The following MGA variants were observed in gnomAD, a reference collection of about 807,000 sequenced individuals.
The protein encoded by MGA is MAX dimerization protein MGA.
In MGA, 40 loss-of-function variants were observed where a neutral mutation model predicts 261.1. That is an observed-to-expected ratio of 0.15 (90% CI 0.12 to 0.20). MGA has a LOEUF of 0.20. MGA is among the 10% of genes least tolerant of loss of function. MGA has a pLI of 1.00. For synonymous variants in MGA, 1,302 were observed against 1,290.6 expected (o/e 1.01, Z -0.19); for missense variants, 3,397 against 3,630.5 (o/e 0.94, Z 1.65).
At chr15:41,688,194 G>C (rs1454766543) in intron 2 of MGA, among the ~76,000 whole-genome samples, 1 of 152,142 alleles carries the variant, frequency 6.6e-6, no homozygotes, top group African/African-American at 2.4e-5. Flanking sequence ...TCCTGCCTCA[G>C]CTTCCCAAGT....
chr15:41,754,422 AATG>A lies in MGA; in HGVS notation c.7009-11_7009-9del. On this transcript the variant is annotated splice_polypyrimidine_tract_variant and intron_variant, in intron 17 of 23. Coordinates refer to ENST00000219905, the MANE Select transcript of MGA (RefSeq NM_001164273.2). ...CACTCAATACATTATTTACTTTTAT[AATG>A]ATGTATTTCAGAATAACTGTGTAGA... is the stretch of plus-strand genomic sequence containing the variant. 1 of 1,524,010 alleles carries A rather than the reference AATG, an allele frequency of 6.6e-7. No homozygotes were observed. Among genetic ancestry groups the A allele is most frequent in the Non-Finnish European group, 8.8e-7 (1 of 1,135,690 alleles). 94.4% of individuals were successfully genotyped at this position (1,524,010 alleles called of 1,614,324 possible).
chr15:41,685,986 CAGAGTG>C (rs1259044136), intron 2 of MGA, among the ~76,000 whole-genome samples: 2 of 140,908 alleles, frequency 1.4e-5, no homozygotes, highest in Non-Finnish European at 3.0e-5. Context: ...GCCTGGGTGA[CAGAGTG>C]AGACTCTGTC....
Position 41,750,202 on chromosome 15 carries a change from G to T in MGA, c.6595G>T (p.Glu2199Ter). ...ACAGGAATGTAAGAAAGAGGCAGAC[G>T]AGCAGTTAATTAAAGAAACAAAGAC... The change falls in exon 17 of 24, where the codon GAG (glutamate) becomes TAG (stop). Residue 2199 changes from glutamate to a stop codon, truncating the protein, a stop_gained. Transcript: ENST00000219905. LOFTEE classifies it high-confidence loss of function. 1.2e-6 allele frequency: 2 copies of T among 1,613,850 alleles called. No homozygotes were observed. The highest frequency in any genetic ancestry group is 2.2e-5 in the South Asian group (2 of 91,062).
intron 15 of MGA, among the ~76,000 whole-genome samples, chr15:41,746,775 CTTTGT>C (rs1182313565): frequency 2.0e-5 from 3 of 151,456 alleles, no homozygotes; most frequent in Admixed American, 2.0e-4. Context: ...AAGCTAAAGT[CTTTGT>C]TTTGTTTCAT....
chr15:41,633,131 A>G (rs1285057564), intron 1 of MGA, among the ~76,000 whole-genome samples: 1 of 151,786 alleles, frequency 6.6e-6, no homozygotes, highest in East Asian at 1.9e-4. Context: ...TTGTATTTTT[A>G]GTAGAGACGG....
At position 41,765,872 on chromosome 15, in the gene MGA, C is replaced by G. The variant is rs1475233717; in HGVS notation, c.7922-132C>G. 3 of 694,340 alleles carry G rather than the reference C, an allele frequency of 4.3e-6. No homozygotes were observed. In the East Asian group the frequency reaches 8.5e-5, roughly 20 times the overall value. The allele number at this position is 694,340 out of a possible 1,614,324, so 43.0% of individuals were successfully genotyped here. A position where few individuals can be genotyped will look rare whatever the true frequency, so the allele number is the denominator to read the frequency against. ...TTTGAAGAACTGATATTTCTTTCAT[C>G]TTTTTGATAAAAGTAGAGTGCTGAA... is the stretch of plus-strand genomic sequence containing the variant. On this transcript the variant is annotated intron_variant, in intron 23 of 23. Transcript: ENST00000219905.
intron 2 of MGA, among the ~76,000 whole-genome samples, chr15:41,672,794 A>G (rs1438705951): frequency 2.0e-5 from 3 of 152,138 alleles, no homozygotes; most frequent in Admixed American, 6.6e-5. Flanking sequence ...AATATTTACT[A>G]TCTGTTCCTT....
rs1384741976 is a variant in MGA at position 41,711,190 on chromosome 15, G to C, written c.2925G>C (p.Gln975His). ...AGATTAGTTTGCGGCAGGCACAGCA[G>C]CAGCAGCAACAGCAACAGGGAAGTC... The change falls in exon 8 of 24, where the codon CAG (glutamine) becomes CAC (histidine). Residue 975 changes from glutamine to histidine, a missense_variant. This residue lies in a region of MGA where 519 missense variants were observed against 554.1 expected (regional missense o/e 0.94). Transcript: ENST00000219905. The C allele has an allele frequency of 6.2e-7, 1 of 1,613,796 alleles. No homozygotes were observed. The highest frequency in any genetic ancestry group is 1.7e-5 in the Admixed American group (1 of 60,012).
intron 10 of MGA, among the ~76,000 whole-genome samples, chr15:41,727,865 A>G (rs1018103763): frequency 1.3e-5 from 2 of 152,252 alleles, no homozygotes; most frequent in South Asian, 2.1e-4. Context: ...ACTGGTAGGT[A>G]AAAGTAGGAA....
At chr15:41,637,033 TG>T (rs943591171) in intron 1 of MGA, among the ~76,000 whole-genome samples, 2 of 151,452 alleles carry the variant, frequency 1.3e-5, no homozygotes, top group African/African-American at 4.9e-5. Context: ...TATCTTGCTC[TG>T]GGGGCGGGGG....
intron 1 of MGA, among the ~76,000 whole-genome samples, chr15:41,642,371 G>A (rs1487301280): frequency 6.7e-6 from 1 of 149,598 alleles, no homozygotes; most frequent in Non-Finnish European, 1.5e-5. Flanking sequence ...GTGCAATGGC[G>A]TGATCTCGGC....
chr15:41,698,899 G>A lies in MGA; in HGVS notation c.2050G>A (p.Glu684Lys). Reference sequence around the variant, plus strand: ...CATTCATGCAGTTGATGGGACAACAGAAGAATCTTCTAGTCTCCAGGCATC... The same window carrying A: ...CATTCATGCAGTTGATGGGACAACAAAAGAATCTTCTAGTCTCCAGGCATC... The change falls in exon 4 of 24, where the codon GAA (glutamate) becomes AAA (lysine). Residue 684 changes from glutamate (E) to lysine (K), a missense_variant. Glu to Lys is a moderately conservative substitution (Grantham distance 56). Around this residue, in one of 9 missense-constraint regions of MGA, gnomAD observed 563 missense variants for 563.6 expected, o/e 1.00. Transcript: ENST00000219905. 1 of 1,549,098 alleles carries A rather than the reference G, an allele frequency of 6.5e-7. No homozygotes were observed. The highest frequency in any genetic ancestry group is 8.7e-7 in the Non-Finnish European group (1 of 1,146,350).
intron 9 of MGA, among the ~76,000 whole-genome samples, chr15:41,723,070 C>T (rs1486288092): frequency 1.3e-5 from 2 of 152,120 alleles, no homozygotes; most frequent in Non-Finnish European, 1.5e-5. Context: ...AATGAGGAGA[C>T]CATTTCTTTG....
chr15:41,630,464 CA>C (rs2056564672), intron 1 of MGA, among the ~76,000 whole-genome samples: 1 of 152,010 alleles, frequency 6.6e-6, no homozygotes, highest in Non-Finnish European at 1.5e-5. Flanking sequence ...TTGCTTTGGC[CA>C]AAGAGTAAGT....
rs117809760 is a variant in MGA at position 41,630,054 on chromosome 15, G to A, written c.-68+8756G>A. 6.3e-3 allele frequency among the ~76,000 whole-genome samples: 956 copies of A among 152,090 alleles called. 6 individuals carry two copies. Among genetic ancestry groups the A allele is most frequent in the Non-Finnish European group, 0.01 (683 of 67,980 alleles). On this transcript the variant is annotated intron_variant, in intron 1 of 8. Transcript: ENST00000566718. Reference sequence around the variant, plus strand: ...AGGACATAAACCCCCAGACTTCTTCGCTTAGCATACCAGAGCCTTCATTGT... The same window carrying A: ...AGGACATAAACCCCCAGACTTCTTCACTTAGCATACCAGAGCCTTCATTGT...
chr15:41,759,119 ATTG>A (rs2063309909), intron 19 of MGA, among the ~76,000 whole-genome samples: 2 of 152,282 alleles, frequency 1.3e-5, no homozygotes, highest in South Asian at 4.1e-4. Flanking sequence ...TAGATTGTTT[ATTG>A]TTGATGAAAT....
intron 1 of MGA, among the ~76,000 whole-genome samples, chr15:41,652,041 C>A (rs1285709392): frequency 1.6e-5 from 2 of 123,800 alleles, no homozygotes; most frequent in African/African-American, 6.2e-5. Context: ...TGTTGGCTCA[C>A]TGCAAGCTCC....
chr15:41,742,454 C>A, intron 14 of MGA, 92 bp from the exon 15 acceptor site: 1 of 1,431,668 alleles, frequency 7.0e-7, no homozygotes, highest in Admixed American at 2.1e-5. Flanking sequence ...GAAATTGACC[C>A]AGTAGTGCAC....
intron 19 of MGA, among the ~76,000 whole-genome samples, chr15:41,758,518 A>G (rs2151975649): frequency 6.6e-6 from 1 of 152,264 alleles, no homozygotes; most frequent in East Asian, 1.9e-4. Flanking sequence ...GCATGGTTGT[A>G]ATTATTTGCA....
Sources: allele counts gnomAD v4.1 joint callset (sites outside exome capture counted in the v4.1 genomes callset), GRCh38; gene constraint gnomAD v4.1.1; regional missense constraint gnomAD v4.1.1; transcripts MANE v1.5; gene names NCBI Gene and HGNC (gene_info 2026-07-23, HGNC 2026-07-21).